RGS7: variants seen among roughly 807,000 people sequenced by gnomAD.
RGS7 encodes the protein regulator of G protein signaling 7, also known as regulator of G-protein signaling 7.
Under a neutral mutation model 81.1 loss-of-function variants are expected in RGS7, and 27 were observed. The ratio of observed to expected loss-of-function variants is 0.33; its 90% CI spans 0.25 to 0.46. The LOEUF (loss-of-function observed/expected upper bound fraction) is 0.46, where lower values mean the gene tolerates loss of function less well. Among genes scored for constraint, RGS7 ranks in the 20% least tolerant of loss-of-function variants. The pLI is 1.00. For synonymous variants in RGS7, 208 were observed against 207.7 expected, an observed-to-expected ratio of 1.00 and a Z score of -0.01; for missense variants, 396 against 607.4, an observed-to-expected ratio of 0.65 and a Z score of 3.66.
At chr1:241,223,127 C>T (rs147709978) in intron 2 of RGS7, among the ~76,000 whole-genome samples, 15 of 152,138 alleles carry the variant, frequency 9.9e-5, no homozygotes, top group African/African-American at 3.1e-4. Flanking sequence ...TGCTATAGAT[C>T]GAGAACCACT....
rs187559592 is a variant in RGS7, at chr1:241,039,725, C to T, written c.176-56596G>A. 8.7e-4 allele frequency among the ~76,000 whole-genome samples: 133 copies of T among 152,288 alleles called. 2 individuals are homozygous for T. The highest frequency in any genetic ancestry group is 9.0e-4 in the Non-Finnish European group (61 of 68,022). On this transcript the variant is annotated intron_variant, in intron 3 of 18. Transcript: ENST00000440928. ...GGAAAATCCCCTGCCCACGATTCTC[C>T]ATGCTCTTTCCCCATTTAGCTTGAT...
intron 2 of RGS7, among the ~76,000 whole-genome samples, chr1:241,301,230 A>G (rs1206055348): frequency 2.0e-5 from 3 of 152,240 alleles, no homozygotes; most frequent in African/African-American, 7.2e-5. Context: ...CTCATAGCAA[A>G]TACATGCTAG....
chr1:241,285,393 A>T (rs1307847980), intron 2 of RGS7, among the ~76,000 whole-genome samples: 1 of 152,102 alleles, frequency 6.6e-6, no homozygotes, highest in African/African-American at 2.4e-5. Flanking sequence ...TTCTTCTTTC[A>T]TGGCCTCCCT....
intron 3 of RGS7, among the ~76,000 whole-genome samples, chr1:240,987,721 G>A (rs912109370): frequency 6.6e-6 from 1 of 151,180 alleles, no homozygotes; most frequent in African/African-American, 2.4e-5. Flanking sequence ...TGGAGGATGG[G>A]GTCTCGCTAT....
intron 6 of RGS7, among the ~76,000 whole-genome samples, chr1:240,875,162 A>G (rs761482206): frequency 2.0e-5 from 3 of 152,166 alleles, no homozygotes; most frequent in Non-Finnish European, 4.4e-5. Context: ...CTCTAACTGA[A>G]ACTTTGCGCT....
intron 4 of RGS7, among the ~76,000 whole-genome samples, chr1:240,939,196 A>C (rs948349286): frequency 1.3e-5 from 2 of 152,126 alleles, no homozygotes; most frequent in African/African-American, 4.8e-5. Context: ...TTTTCTACAA[A>C]CCACTTTCAG....
intron 2 of RGS7, among the ~76,000 whole-genome samples, chr1:241,229,515 T>C (rs2148050377): frequency 6.6e-6 from 1 of 152,360 alleles, no homozygotes; most frequent in East Asian, 1.9e-4. Context: ...TCTGTGGCCA[T>C]GAATTAGCTG....
chr1:241,225,736 A>G (rs2075279312), intron 2 of RGS7, among the ~76,000 whole-genome samples: 1 of 152,206 alleles, frequency 6.6e-6, no homozygotes, highest in African/African-American at 2.4e-5. Flanking sequence ...AAGTATGAAT[A>G]CTTTCTTGAG....
chr1:241,214,531 G>A (rs1217474912), intron 2 of RGS7, among the ~76,000 whole-genome samples: 1 of 151,862 alleles, frequency 6.6e-6, no homozygotes, highest in African/African-American at 2.4e-5. Flanking sequence ...GAATCTGTGG[G>A]CGACTGTTTT....
At chr1:241,221,006 A>AAAGGAAGGAAGGAAGG (rs58113561) in intron 2 of RGS7, among the ~76,000 whole-genome samples, 1 of 84,550 alleles carries the variant, frequency 1.2e-5, no homozygotes, top group African/African-American at 4.0e-5. Context: ...AGAGAGAGAG[A>AAAGGAAGGAAGGAAGG]AAGGAAGGAA....
intron 7 of RGS7, among the ~76,000 whole-genome samples, chr1:240,869,661 T>A (rs1336917822): frequency 6.6e-6 from 1 of 152,138 alleles, no homozygotes; most frequent in Non-Finnish European, 1.5e-5. Flanking sequence ...TGAATGAGGC[T>A]GGGCGTGGTG....
At chr1:241,290,065 A>T (rs567735000) in intron 2 of RGS7, among the ~76,000 whole-genome samples, 1 of 152,346 alleles carries the variant, frequency 6.6e-6, no homozygotes, top group East Asian at 1.9e-4. Context: ...GTATTTTTAT[A>T]TACTGGTTAG....
intron 14 of RGS7, among the ~76,000 whole-genome samples, chr1:240,808,079 GAGC>G (rs1170571409): frequency 1.3e-5 from 2 of 150,804 alleles, no homozygotes; most frequent in Non-Finnish European, 2.9e-5. Flanking sequence ...TAATCCGAGG[GAGC>G]AGAAGTGTTG....
chr1:240,970,846 G>T (rs1427509703), intron 4 of RGS7, among the ~76,000 whole-genome samples: 1 of 152,084 alleles, frequency 6.6e-6, no homozygotes, highest in Non-Finnish European at 1.5e-5. Flanking sequence ...TAGCGTGGTG[G>T]TGTGCCCTTG....
intron 3 of RGS7, among the ~76,000 whole-genome samples, chr1:241,002,273 C>T (rs933340212): frequency 1.3e-5 from 2 of 151,474 alleles, no homozygotes; most frequent in Admixed American, 6.6e-5. Flanking sequence ...ATGGTGAAAC[C>T]CCATCTCTAC....
chr1:241,250,699 T>C (rs2076787391), intron 2 of RGS7, among the ~76,000 whole-genome samples: 1 of 152,188 alleles, frequency 6.6e-6, no homozygotes, highest in Admixed American at 6.5e-5. Flanking sequence ...AATGACTGTT[T>C]AAGGAGTGTT....
intron 2 of RGS7, among the ~76,000 whole-genome samples, chr1:241,161,434 T>C (rs1572939391): frequency 2.0e-5 from 3 of 150,420 alleles, no homozygotes; most frequent in Non-Finnish European, 3.0e-5. Flanking sequence ...TTAATAATAA[T>C]AACTAATAAT....
At chr1:241,220,939 G>A (rs1344395690) in intron 2 of RGS7, among the ~76,000 whole-genome samples, 3 of 144,312 alleles carry the variant, frequency 2.1e-5, no homozygotes, top group Admixed American at 1.5e-4. Context: ...AGAAAGGAAG[G>A]AAGGAAGAAG....
chr1:240,793,427 A>G (rs988449309), intron 18 of RGS7, among the ~76,000 whole-genome samples: 4 of 151,892 alleles, frequency 2.6e-5, no homozygotes, highest in Non-Finnish European at 2.9e-5. Context: ...TCTGCCAACT[A>G]CAAAATGACA....
Sources: allele counts gnomAD v4.1 joint callset (sites outside exome capture counted in the v4.1 genomes callset), GRCh38; gene constraint gnomAD v4.1.1; transcripts MANE v1.5; gene names NCBI Gene and HGNC (gene_info 2026-07-23, HGNC 2026-07-21).